The following PHEX variants were observed in gnomAD, a reference collection of about 807,000 sequenced individuals.
PHEX encodes phosphate regulating endopeptidase X-linked, also known as phosphate-regulating neutral endopeptidase PHEX.
In PHEX, 16 loss-of-function variants were observed where a neutral mutation model predicts 68.0. The ratio of observed to expected loss-of-function variants is 0.24; its 90% confidence interval spans 0.16 to 0.36. PHEX has a LOEUF of 0.36. Among genes scored for constraint, PHEX ranks in the 10% least tolerant of loss-of-function variants. The pLI, the probability that PHEX is intolerant of heterozygous loss-of-function variation, is 1.00. For synonymous variants in PHEX, 208 were observed against 205.1 expected (o/e 1.01, Z -0.12); for missense variants, 480 against 575.5 (o/e 0.83, Z 1.70).
At chrX:22,215,285 C>A (rs150101594) in intron 16 of PHEX, among the ~76,000 whole-genome samples, 93 of 111,383 alleles carry the variant, frequency 8.3e-4, no homozygotes, top group African/African-American at 2.9e-3. Context: ...TACTACATAT[C>A]ATTTGGGTAC....
chrX:22,224,747 G>A (rs914019997), intron 18 of PHEX, among the ~76,000 whole-genome samples: 9 of 109,996 alleles, frequency 8.2e-5, no homozygotes, highest in African/African-American at 3.0e-4. Context: ...AGCTAGGAGG[G>A]TCCTGAGTGA....
intron 20 of PHEX, among the ~76,000 whole-genome samples, chrX:22,243,277 C>G (rs1936285682): frequency 8.9e-6 from 1 of 111,780 alleles, no homozygotes. Context: ...AACAAAAAAT[C>G]AACTCAAGAT....
At chrX:22,154,176 C>A (rs1932904379) in intron 12 of PHEX, among the ~76,000 whole-genome samples, 1 of 110,955 alleles carries the variant, frequency 9.0e-6, no homozygotes, top group Non-Finnish European at 1.9e-5. Context: ...TATGTACCCA[C>A]AAAAATTAAA....
chrX:22,132,690 G>C (rs1392993855), intron 11 of PHEX, among the ~76,000 whole-genome samples: 2 of 111,131 alleles, frequency 1.8e-5, no homozygotes, highest in African/African-American at 6.6e-5. Context: ...TGCCTTTCCT[G>C]TCTCTCTCAG....
chrX:22,245,499 G>C, intron 21 of PHEX, 90 bp downstream of exon 21: 1 of 639,887 alleles, frequency 1.6e-6, no homozygotes, highest in East Asian at 3.2e-5. Context: ...TACCAGATAG[G>C]TGATCTGAAA....
At chrX:22,242,332 G>T (rs1219011290) in intron 20 of PHEX, among the ~76,000 whole-genome samples, 2 of 111,768 alleles carry the variant, frequency 1.8e-5, no homozygotes, top group East Asian at 5.6e-4. Context: ...TACTGATTGG[G>T]CAAAAACTGG....
intron 20 of PHEX, among the ~76,000 whole-genome samples, chrX:22,244,305 G>A (rs763260799): frequency 9.0e-6 from 1 of 110,881 alleles, no homozygotes; most frequent in South Asian, 3.9e-4. Flanking sequence ...GCTAAGGGAG[G>A]GATAGCATTA....
chrX:22,053,595 GAC>G (rs1268371094), intron 3 of PHEX, among the ~76,000 whole-genome samples: 1 of 111,855 alleles, frequency 8.9e-6, no homozygotes, highest in African/African-American at 3.3e-5. Context: ...CCATGAAGAA[GAC>G]ACAGCATGCA....
intron 9 of PHEX, among the ~76,000 whole-genome samples, chrX:22,107,306 G>A (rs993847274): frequency 8.9e-6 from 1 of 111,774 alleles, no homozygotes; most frequent in Non-Finnish European, 1.9e-5. Flanking sequence ...TAGTTATTCT[G>A]GCTCATCACC....
chrX:22,087,289 G>C (rs1569385332), intron 5 of PHEX, among the ~76,000 whole-genome samples: 1 of 112,025 alleles, frequency 8.9e-6, no homozygotes, highest in East Asian at 2.8e-4. Flanking sequence ...TCATAATATT[G>C]TGTTTCATGA....
intron 5 of PHEX, among the ~76,000 whole-genome samples, chrX:22,077,914 AT>A (rs777733796): frequency 2.9e-4 from 32 of 112,152 alleles, no homozygotes; most frequent in Non-Finnish European, 7.5e-5. Context: ...AAACTAGTGA[AT>A]TAGTTTCAAG....
intron 3 of PHEX, among the ~76,000 whole-genome samples, chrX:22,074,124 C>T (rs910724479): frequency 9.9e-5 from 11 of 110,908 alleles, no homozygotes; most frequent in South Asian, 3.8e-4. Context: ...TGAGTAATTA[C>T]CTGTGGTACG....
chrX:22,093,699 G>A (rs1930001063), intron 6 of PHEX, among the ~76,000 whole-genome samples: 1 of 111,811 alleles, frequency 8.9e-6, no homozygotes, highest in Non-Finnish European at 1.9e-5. Flanking sequence ...GTTATTTCAT[G>A]TATCCATAAT....
chrX:22,093,082 A>T (rs1384988926), intron 6 of PHEX, among the ~76,000 whole-genome samples: 1 of 111,956 alleles, frequency 8.9e-6, no homozygotes, highest in Non-Finnish European at 1.9e-5. Context: ...TTGCTTACTG[A>T]TTCAACAAAG....
chrX:22,166,528 TTA>T (rs397896114), intron 12 of PHEX, among the ~76,000 whole-genome samples: 25 of 109,202 alleles, frequency 2.3e-4, no homozygotes, highest in South Asian at 3.9e-4. Context: ...TGTCAAAATT[TTA>T]TATATATATA....
intron 11 of PHEX, among the ~76,000 whole-genome samples, chrX:22,128,310 G>A (rs1353992373): frequency 1.8e-5 from 2 of 109,889 alleles, no homozygotes; most frequent in Admixed American, 9.9e-5. Flanking sequence ...TGATCCAACC[G>A]CCTCAGCCTC....
At chrX:22,228,508 A>G (rs2147186050) in intron 20 of PHEX, among the ~76,000 whole-genome samples, 1 of 108,927 alleles carries the variant, frequency 9.2e-6, no homozygotes, top group South Asian at 3.8e-4. Context: ...AAGCTAATAA[A>G]AAACACTAAA....
chrX:22,044,450 G>A (rs1197840632), intron 2 of PHEX, among the ~76,000 whole-genome samples: 2 of 111,620 alleles, frequency 1.8e-5, no homozygotes, highest in East Asian at 2.8e-4. Flanking sequence ...GGTGGCTCAC[G>A]CCTGTAATCC....
intron 5 of PHEX, among the ~76,000 whole-genome samples, chrX:22,080,432 ATATAATAT>A (rs1929339367): frequency 9.1e-6 from 1 of 109,811 alleles, no homozygotes; most frequent in Admixed American, 9.7e-5. Flanking sequence ...CTTCCCTCAG[ATATAATAT>A]AATTATAGTC....
Sources: gnomAD v4.1 joint callset for allele counts (sites outside exome capture counted in the v4.1 genomes callset) on GRCh38, gnomAD v4.1.1 for gene constraint, MANE v1.5 for transcripts, NCBI Gene and HGNC (gene_info 2026-07-23, HGNC 2026-07-21) for gene names.